The following OCM variants were observed in gnomAD, a reference collection of about 807,000 sequenced individuals.
The protein encoded by OCM is oncomodulin, also known as oncomodulin-1.
OCM carries 18 observed loss-of-function variants against 14.1 expected under a neutral mutation model. The observed-to-expected ratio is 1.28, with a 90% CI of 0.88 to 1.89. The LOEUF is 1.89. Among genes scored for constraint, OCM ranks in the 40% most tolerant of loss-of-function variants. The pLI is 0.00. For synonymous variants in OCM, 48 were observed against 51.0 expected (o/e 0.94, Z 0.25); for missense variants, 140 against 137.6 (o/e 1.02, Z -0.09).
upstream of OCM, among the ~76,000 whole-genome samples, chr7:5,877,725 C>G (rs1184041566): frequency 1.4e-5 from 2 of 139,318 alleles, no homozygotes; most frequent in Non-Finnish European, 3.0e-5. Flanking sequence ...GAGGCTGAGG[C>G]AGGAGAATTG....
At chr7:5,879,819 C>T (rs1461093024), upstream of OCM, 1 of 149,852 alleles carries the variant, frequency 6.7e-6, no homozygotes, top group Non-Finnish European at 1.5e-5. Flanking sequence ...CCACTTGATC[C>T]TTGAAAAGGA....
rs1781279351 is a variant in OCM, at chr7:5,883,937, C to T, written c.242C>T (p.Ser81Leu). The T allele has an allele frequency of 6.2e-7, 1 of 1,613,412 alleles. No individual in the cohort carries two copies. Among genetic ancestry groups the T allele is most frequent in the South Asian group, 1.1e-5 (1 of 90,944 alleles). The change falls in exon 3 of 4, where the codon TCA (serine) becomes TTA (leucine). Residue 81 changes from serine to leucine, a missense_variant. Physicochemically the swap from Ser to Leu is moderately radical, Grantham distance 145. Coordinates refer to ENST00000242104, the MANE Select transcript of OCM (RefSeq NM_001097622.2). ...AGTGGTGCCAGAGAACTGACCGAGT[C>T]AGAAACCAAGTCCTTGATGGCTGCG... ...FESGARELTE[S>L]ETKSLMAAAD...
At chr7:5,881,020 C>G in intron 1 of OCM, 70 bp downstream of exon 1, 1 of 1,516,862 alleles carries the variant, frequency 6.6e-7, no homozygotes, top group Admixed American at 1.7e-5. Flanking sequence ...AACACAAAAT[C>G]AAAATGTAGG....
At chr7:5,862,059 C>T in the OCM span, among the ~76,000 whole-genome samples, 1 of 152,034 alleles carries the variant, frequency 6.6e-6, no homozygotes, top group Admixed American at 6.6e-5. Context: ...GCCCCTGGGC[C>T]CTCACAGTGG....
At chr7:5,879,206 A>T (rs976985420), upstream of OCM, among the ~76,000 whole-genome samples, 3 of 152,186 alleles carry the variant, frequency 2.0e-5, no homozygotes, top group Non-Finnish European at 4.4e-5. Context: ...GTCACAACAG[A>T]AACAAAATCT....
the OCM span, among the ~76,000 whole-genome samples, chr7:5,872,681 C>T: frequency 6.6e-6 from 1 of 151,976 alleles, no homozygotes; most frequent in African/African-American, 2.4e-5. Context: ...AGGCAGCATG[C>T]GCGTTAAGAG....
At chr7:5,882,808 T>C (rs111741175) in intron 2 of OCM, among the ~76,000 whole-genome samples, 183 bp downstream of exon 2, 11,595 of 150,518 alleles carry the variant, frequency 0.077, 498 homozygotes, top group South Asian at 0.11. Context: ...AAGCCCTCAA[T>C]ATGGGCAGAG....
At chr7:5,860,476 T>TGTATATATATATTAC in the OCM span, among the ~76,000 whole-genome samples, 1 of 36,558 alleles carries the variant, frequency 2.7e-5, no homozygotes, top group African/African-American at 3.7e-4. Flanking sequence ...TATATATACG[T>TGTATATATATATTAC]GTATATATAC....
intron 2 of OCM, 147 bp from the exon 3 acceptor site, chr7:5,883,743 A>G (rs1781273501): frequency 1.2e-5 from 9 of 735,746 alleles, no homozygotes; most frequent in East Asian, 2.7e-5. Context: ...TGGTTTCTAC[A>G]GCTTAAGGAA....
At chr7:5,869,009 G>A in the OCM span, among the ~76,000 whole-genome samples, 1 of 152,144 alleles carries the variant, frequency 6.6e-6, no homozygotes, top group Non-Finnish European at 1.5e-5. Context: ...GTTGCAGTGA[G>A]CTGAGATCGC....
At chr7:5,880,627 T>C (rs1781191204), upstream of OCM, among the ~76,000 whole-genome samples, 1 of 151,998 alleles carries the variant, frequency 6.6e-6, no homozygotes, top group African/African-American at 2.4e-5. Context: ...GGCATGGTAG[T>C]GCGCACCTGT....
intron 3 of OCM, 26 bp downstream of exon 3, chr7:5,884,025 A>G: frequency 6.2e-7 from 1 of 1,608,628 alleles, no homozygotes; most frequent in Non-Finnish European, 8.5e-7. Context: ...TACGTAGCAT[A>G]AAACACTCTA....
At chr7:5,873,812 G>A in the OCM span, among the ~76,000 whole-genome samples, 1 of 151,992 alleles carries the variant, frequency 6.6e-6, no homozygotes, top group Admixed American at 6.6e-5. Context: ...GAGATGTTTA[G>A]GAAGTGATGT....
intron 1 of OCM, among the ~76,000 whole-genome samples, 190 bp downstream of exon 1, chr7:5,881,140 A>C (rs544723313): frequency 2.0e-5 from 3 of 151,704 alleles, no homozygotes; most frequent in Admixed American, 2.0e-4. Context: ...AAGATGGTGA[A>C]ACCCCATCTC....
At chr7:5,878,986 G>A (rs1471463252), upstream of OCM, among the ~76,000 whole-genome samples, 1 of 150,422 alleles carries the variant, frequency 6.6e-6, no homozygotes, top group Non-Finnish European at 1.5e-5. Context: ...TTCGAGACCA[G>A]CCTAGGCAAC....
Position 5,880,968 on chromosome 7 carries a change from C to T in OCM, c.61+18C>T, listed in dbSNP as rs377029631. On this transcript the variant is annotated intron_variant, in intron 1 of 3. Transcript: ENST00000242104. ...ATGCCGAGGTAGAGGGGACGTGAGG[C>T]GGGGGTGGGATTTCCTCACAGCTTT... The T allele has an allele frequency of 5.4e-6, 5 of 932,356 alleles. No individual in the cohort carries two copies. Among genetic ancestry groups the T allele is most frequent in the Admixed American group, 3.5e-5 (2 of 57,358 alleles). The allele number at this position is 932,356 out of a possible 1,614,324, so 57.8% of individuals were successfully genotyped here.
the OCM span, among the ~76,000 whole-genome samples, chr7:5,864,329 A>AGG: frequency 8.4e-6 from 1 of 118,860 alleles, no homozygotes; most frequent in Non-Finnish European, 1.9e-5. Context: ...CCTGGGTGAC[A>AGG]GGGGGAGACC....
intron 2 of OCM, among the ~76,000 whole-genome samples, chr7:5,883,256 C>T (rs1460354007): frequency 1.3e-5 from 2 of 152,198 alleles, no homozygotes; most frequent in African/African-American, 4.8e-5. Context: ...AAGACTGAAG[C>T]ACAAGAATTG....
the OCM span, among the ~76,000 whole-genome samples, chr7:5,865,474 C>G: frequency 2.1e-4 from 32 of 152,326 alleles, no homozygotes; most frequent in Non-Finnish European, 4.1e-4. Context: ...GGGCAGCAAA[C>G]CGCTTCTGAA....
Sources: allele counts gnomAD v4.1 joint callset (sites outside exome capture counted in the v4.1 genomes callset), GRCh38; gene constraint gnomAD v4.1.1; transcripts MANE v1.5; gene names NCBI Gene and HGNC (gene_info 2026-07-23, HGNC 2026-07-21).